Variants in BTBD3 observed in about 807,000 individuals in gnomAD.
The protein encoded by BTBD3 is BTB domain containing 3.
A neutral mutation model predicts 41.6 loss-of-function variants in BTBD3; 14 were observed. That is an observed-to-expected ratio of 0.34 (90% CI 0.22 to 0.53). The LOEUF is 0.53. BTBD3 is among the 20% of genes least tolerant of loss of function. The pLI, the probability that BTBD3 is intolerant of heterozygous loss-of-function variation, is 0.95. For synonymous variants in BTBD3, 249 were observed against 233.7 expected (o/e 1.07, Z -0.60); for missense variants, 426 against 654.7 (o/e 0.65, Z 3.81).
chr20:11,919,767 A>C lies in BTBD3; in HGVS notation c.467A>C (p.Glu156Ala). ...SSVFHAMFYG[E>A]LAEDKDEIRI... ...GTGTTCCATGCGATGTTTTACGGAGAACTTGCAGAGGACAAAGATGAAATC... is the reference window on the plus strand; with the variant it reads ...GTGTTCCATGCGATGTTTTACGGAGCACTTGCAGAGGACAAAGATGAAATC... Residue 156 changes from glutamate to alanine, a missense_variant, in exon 3 of 4, where the codon GAA becomes GCA. Around this residue, in one of 3 missense-constraint regions of BTBD3, gnomAD observed 321 missense variants for 534.8 expected, o/e 0.60. Coordinates refer to ENST00000378226, the MANE Select transcript of BTBD3 (RefSeq NM_014962.4). 6.2e-7 allele frequency: 1 copy of C among 1,614,130 alleles called. No homozygotes were observed. Among genetic ancestry groups the C allele is most frequent in the Non-Finnish European group, 8.5e-7 (1 of 1,180,018 alleles).
rs569260395 is a variant in BTBD3, at chr20:11,922,353, A to G, written c.537-281A>G. On this transcript the variant is annotated intron_variant, in intron 3 of 3. Transcript: ENST00000378226. Reference sequence around the variant, plus strand: ...TATGCAGTTGTTTTTCAGTTTCAATAGCTTCTGTTTTGTTGAGATGACACT... The same window carrying G: ...TATGCAGTTGTTTTTCAGTTTCAATGGCTTCTGTTTTGTTGAGATGACACT... Among the ~76,000 whole-genome samples the G allele has an allele frequency of 2.0e-5, 3 of 152,334 alleles. No individual in the cohort carries two copies. In the East Asian group the frequency reaches 5.8e-4, roughly 29 times the overall value.
At chr20:11,907,444 A>G (rs995497449) in intron 1 of BTBD3, among the ~76,000 whole-genome samples, 1 of 152,168 alleles carries the variant, frequency 6.6e-6, no homozygotes, top group African/African-American at 2.4e-5. Flanking sequence ...CACAAGTGTG[A>G]TCTGGAGTTC....
At chr20:11,917,139 G>T (rs2056923668), upstream of BTBD3, among the ~76,000 whole-genome samples, 1 of 152,174 alleles carries the variant, frequency 6.6e-6, no homozygotes, top group African/African-American at 2.4e-5. Context: ...TGAATTTTGA[G>T]ATCCTGAACA....
chr20:11,918,981 T>C (rs1284278493), intron 1 of BTBD3, 105 bp from the exon 2 acceptor site: 5 of 792,442 alleles, frequency 6.3e-6, no homozygotes, highest in Admixed American at 2.4e-5. Context: ...TTGAAGTTAC[T>C]GGACTGTTGC....
At chr20:11,918,970 C>T in intron 1 of BTBD3, 116 bp from the exon 2 acceptor site, 1 of 718,042 alleles carries the variant, frequency 1.4e-6, no homozygotes, top group East Asian at 2.8e-5. Context: ...GTTGTTTTGC[C>T]TTGAAGTTAC....
chr20:11,920,481 A>C (rs932657991), intron 3 of BTBD3, among the ~76,000 whole-genome samples: 4 of 152,216 alleles, frequency 2.6e-5, no homozygotes, highest in Admixed American at 2.6e-4. Context: ...TTGGTAATAC[A>C]GAAGTATGAA....
chr20:11,902,644 A>G (rs1262733030), intron 1 of BTBD3, among the ~76,000 whole-genome samples: 1 of 152,240 alleles, frequency 6.6e-6, no homozygotes, highest in East Asian at 1.9e-4. Flanking sequence ...AGTTCACCAC[A>G]GGAATAACAG....
intron 3 of BTBD3, among the ~76,000 whole-genome samples, chr20:11,920,337 A>G (rs1245181916): frequency 6.6e-6 from 1 of 152,222 alleles, no homozygotes; most frequent in Non-Finnish European, 1.5e-5. Flanking sequence ...GTGTACACAT[A>G]CATATACATA....
rs751352460 is a variant in BTBD3, at chr20:11,922,685, A to G, written c.588A>G (p.Thr196=). The part of the protein sequence containing the change: ...IDLAADTVLA[T]LYAAKKYIVP... ...TGGCTGCTGACACAGTGCTGGCCAC[A>G]CTTTATGCTGCCAAAAAGTACATTG... is the stretch of plus-strand genomic sequence containing the variant. Residue 196 remains threonine (T), a synonymous_variant, in exon 4 of 4, where the codon ACA becomes ACG. Transcript: ENST00000378226. 12 of 1,614,112 alleles carry G rather than the reference A, an allele frequency of 7.4e-6. No individual in the cohort carries two copies. The African/African-American group carries it at 1.5e-4, about 20-fold the overall frequency.
chr20:11,898,592 A>G (rs2056804713), intron 1 of BTBD3, among the ~76,000 whole-genome samples: 1 of 152,186 alleles, frequency 6.6e-6, no homozygotes, highest in African/African-American at 2.4e-5. Context: ...ATGTTTATTA[A>G]TGTGTCCTGA....
At chr20:11,902,481 G>C (rs556554670) in intron 1 of BTBD3, among the ~76,000 whole-genome samples, 2 of 152,004 alleles carry the variant, frequency 1.3e-5, no homozygotes, top group Admixed American at 1.3e-4. Flanking sequence ...TGTTATTCGT[G>C]GTTTACTGTA....
At chr20:11,909,265 AC>A (rs1427942797) in intron 1 of BTBD3, 1 of 104,730 alleles carries the variant, frequency 9.5e-6, no homozygotes, top group East Asian at 2.3e-4. Context: ...CAAGGGCGAA[AC>A]CCCCTGTCAA....
At chr20:11,914,451 A>G (rs1194055566), upstream of BTBD3, among the ~76,000 whole-genome samples, 2 of 152,152 alleles carry the variant, frequency 1.3e-5, no homozygotes, top group African/African-American at 4.8e-5. Context: ...TTCTAGAAAA[A>G]TAAATGCACA....
intron 2 of BTBD3, 135 bp downstream of exon 2, chr20:11,919,311 C>A: frequency 7.4e-7 from 1 of 1,353,054 alleles, no homozygotes; most frequent in Non-Finnish European, 9.8e-7. Context: ...AGAGAGCGCA[C>A]CCTCTCCAGA....
exon 1 of BTBD3, chr20:11,890,869 CGA>C: frequency 1.0e-6 from 1 of 985,114 alleles, no homozygotes; most frequent in Non-Finnish European, 1.2e-6. Context: ...GCTGGATCTC[CGA>C]GTGCCCCGGC....
intron 1 of BTBD3, among the ~76,000 whole-genome samples, chr20:11,912,534 A>T (rs1005196711): frequency 6.6e-6 from 1 of 152,228 alleles, no homozygotes; most frequent in African/African-American, 2.4e-5. Context: ...AAGCCTGCAG[A>T]TAGGATGAAA....
At chr20:11,897,315 A>G (rs1392742397) in intron 1 of BTBD3, among the ~76,000 whole-genome samples, 1 of 152,102 alleles carries the variant, frequency 6.6e-6, no homozygotes, top group Non-Finnish European at 1.5e-5. Context: ...TTCAGCCTAA[A>G]TATGGCCAGA....
chr20:11,898,375 C>T (rs1440794893), intron 1 of BTBD3, among the ~76,000 whole-genome samples: 3 of 152,108 alleles, frequency 2.0e-5, no homozygotes, highest in African/African-American at 7.2e-5. Flanking sequence ...CCCCAGCCAC[C>T]TCTTTCAGGT....
intron 1 of BTBD3, among the ~76,000 whole-genome samples, chr20:11,893,816 G>T (rs1030051916): frequency 1.5e-5 from 2 of 135,222 alleles, no homozygotes; most frequent in Non-Finnish European, 3.3e-5. Flanking sequence ...ATTTTACTCT[G>T]TTTGTCTGCA....
Sources: allele counts gnomAD v4.1 joint callset (sites outside exome capture counted in the v4.1 genomes callset), GRCh38; gene constraint gnomAD v4.1.1; regional missense constraint gnomAD v4.1.1; transcripts MANE v1.5; gene names NCBI Gene and HGNC (gene_info 2026-07-23, HGNC 2026-07-21).